NFATC2: variants seen among roughly 807,000 people sequenced by gnomAD.
NFATC2 encodes the protein nuclear factor of activated T-cells, cytoplasmic 2.
A neutral mutation model predicts 87.3 loss-of-function variants in NFATC2; 22 were observed. That is an observed-to-expected ratio of 0.25 (90% CI 0.18 to 0.36). The LOEUF (loss-of-function observed/expected upper bound fraction) is 0.36, where lower values mean the gene tolerates loss of function less well. Ranked by LOEUF, NFATC2 falls within the 10% of genes least tolerant of loss-of-function variation. The pLI is 1.00. For missense variants in NFATC2, 1,149 were observed against 1,259.1 expected (o/e 0.91, Z 1.32); for synonymous variants, 565 against 542.2 (o/e 1.04, Z -0.58).
chr20:51,545,127 TG>T (rs1407608496), upstream of NFATC2, among the ~76,000 whole-genome samples: 1 of 152,126 alleles, frequency 6.6e-6, no homozygotes, highest in East Asian at 1.9e-4. Context: ...GTCCAGATGA[TG>T]AAATTTTGGC....
At chr20:51,528,254 A>T (rs944580837) in intron 1 of NFATC2, among the ~76,000 whole-genome samples, 1 of 152,186 alleles carries the variant, frequency 6.6e-6, no homozygotes, top group Admixed American at 6.5e-5. Flanking sequence ...CATTCATATG[A>T]TGGGATACAG....
intron 1 of NFATC2, among the ~76,000 whole-genome samples, chr20:51,525,917 C>T (rs1302603128): frequency 7.0e-6 from 1 of 143,562 alleles, no homozygotes; most frequent in Admixed American, 6.9e-5. Flanking sequence ...CCCCGGCCTG[C>T]CACCCACCCC....
At chr20:51,414,838 A>G (rs1365517312) in intron 9 of NFATC2, among the ~76,000 whole-genome samples, 2 of 152,160 alleles carry the variant, frequency 1.3e-5, no homozygotes, top group Non-Finnish European at 2.9e-5. Context: ...ATGCATACAC[A>G]CAGCCGGAAA....
At chr20:51,561,483 GAAAGCAAGCA>G (rs1568765917) in intron 1 of NFATC2, among the ~76,000 whole-genome samples, 1 of 107,466 alleles carries the variant, frequency 9.3e-6, no homozygotes, top group Non-Finnish European at 2.0e-5. Flanking sequence ...AAGAAAGAAA[GAAAGCAAGCA>G]AGCAAGCAAG....
chr20:51,482,868 T>C (rs767081093), intron 3 of NFATC2, among the ~76,000 whole-genome samples: 1 of 152,246 alleles, frequency 6.6e-6, no homozygotes, highest in Non-Finnish European at 1.5e-5. Flanking sequence ...AAGATGGTCA[T>C]GTCCTCTTGT....
At chr20:51,464,961 AG>A (rs1987529498) in intron 5 of NFATC2, among the ~76,000 whole-genome samples, 1 of 152,228 alleles carries the variant, frequency 6.6e-6, no homozygotes, top group Non-Finnish European at 1.5e-5. Context: ...GACACACAGC[AG>A]ATGATTAATA....
At chr20:51,459,676 G>C (rs771481563) in intron 5 of NFATC2, among the ~76,000 whole-genome samples, 2 of 152,104 alleles carry the variant, frequency 1.3e-5, no homozygotes, top group Admixed American at 6.5e-5. Flanking sequence ...TCAGAAGTTC[G>C]AGACCAGCCT....
At chr20:51,395,903 A>G (rs1006390322) in intron 10 of NFATC2, among the ~76,000 whole-genome samples, 2 of 151,784 alleles carry the variant, frequency 1.3e-5, no homozygotes, top group African/African-American at 2.4e-5. Context: ...CTCACTAAGC[A>G]CTGCCAGTGT....
intron 9 of NFATC2, chr20:51,398,966 G>T: frequency 4.3e-6 from 2 of 463,708 alleles, no homozygotes; most frequent in Non-Finnish European, 7.8e-6. Context: ...ATTATGTGGG[G>T]TGTGGGATCA....
Position 51,420,686 on chromosome 20 carries a change from C to T in NFATC2, c.2722+11381G>A, listed in dbSNP as rs189587243. On this transcript the variant is annotated intron_variant, in intron 9 of 10. Transcript: ENST00000371564. ...TGCTTGCAACGCTTGGTCTGACTCC[C>T]GACGCAAATGAACTATAATAAAAAC... 6.1e-4 allele frequency among the ~76,000 whole-genome samples: 93 copies of T among 152,056 alleles called. 1 individual carries two copies. The highest frequency in any genetic ancestry group is 2.1e-3 in the African/African-American group (86 of 41,472).
intron 1 of NFATC2, among the ~76,000 whole-genome samples, chr20:51,530,898 C>T (rs529687138): frequency 1.2e-4 from 18 of 152,268 alleles, no homozygotes; most frequent in Admixed American, 8.5e-4. Flanking sequence ...TGGATTCACT[C>T]GTCTGTCTAC....
At chr20:51,437,287 A>T (rs966317611) in intron 6 of NFATC2, among the ~76,000 whole-genome samples, 2 of 152,326 alleles carry the variant, frequency 1.3e-5, no homozygotes, top group East Asian at 3.9e-4. Flanking sequence ...GAAGGGGGAA[A>T]AATCTACATG....
chr20:51,555,558 C>T (rs1014232534), intron 1 of NFATC2, among the ~76,000 whole-genome samples: 1 of 151,722 alleles, frequency 6.6e-6, no homozygotes, highest in Non-Finnish European at 1.5e-5. Context: ...GCCGCCATTG[C>T]ACTCCAGCCT....
At chr20:51,492,198 T>C (rs1045521492) in intron 3 of NFATC2, among the ~76,000 whole-genome samples, 2 of 151,910 alleles carry the variant, frequency 1.3e-5, no homozygotes, top group African/African-American at 4.8e-5. Flanking sequence ...CACATCTTCC[T>C]GTCTAGACGA....
In NFATC2 at chr20:51,388,657, C is replaced by T. The variant is rs1421891848; in HGVS notation, c.*2839G>A. On this transcript the variant is annotated 3_prime_UTR_variant, in exon 11 of 11. Transcript: ENST00000371564. ...TAAGAAAATAAAATTTAATAACATA[C>T]TAATCTGGATTGCTATACATATTAT... 6.6e-6 allele frequency: 1 copy of T among 152,142 alleles called. No homozygotes were observed. Among genetic ancestry groups the T allele is most frequent in the East Asian group, 1.9e-4 (1 of 5,196 alleles). The allele number at this position is 152,142 out of a possible 1,614,324, so 9.4% of individuals were successfully genotyped here. A position where few individuals can be genotyped will look rare whatever the true frequency, so the allele number is the denominator to read the frequency against.
At chr20:51,426,136 T>C (rs1276906176) in intron 9 of NFATC2, among the ~76,000 whole-genome samples, 4 of 151,988 alleles carry the variant, frequency 2.6e-5, no homozygotes, top group Non-Finnish European at 5.9e-5. Context: ...CCTACACAAA[T>C]AGATTTTTAA....
At chr20:51,394,913 C>G (rs1302954582) in intron 10 of NFATC2, among the ~76,000 whole-genome samples, 2 of 152,208 alleles carry the variant, frequency 1.3e-5, no homozygotes, top group Non-Finnish European at 2.9e-5. Flanking sequence ...CCCTCACTCG[C>G]TCCAAAAGCA....
At chr20:51,517,051 A>C (rs926907540) in intron 2 of NFATC2, 96 bp from the exon 3 acceptor site, 1 of 1,222,844 alleles carries the variant, frequency 8.2e-7, no homozygotes, top group Non-Finnish European at 1.1e-6. Flanking sequence ...AATCATGGAT[A>C]CAGTCATGTA....
intron 10 of NFATC2, among the ~76,000 whole-genome samples, chr20:51,398,289 C>T (rs567807711): frequency 3.1e-4 from 47 of 152,176 alleles, no homozygotes; most frequent in Middle Eastern, 3.4e-3. Context: ...ACACCCACCA[C>T]GGATGGAGAG....
Sources: gnomAD v4.1 joint callset for allele counts (sites outside exome capture counted in the v4.1 genomes callset) on GRCh38, gnomAD v4.1.1 for gene constraint, MANE v1.5 for transcripts, NCBI Gene and HGNC (gene_info 2026-07-23, HGNC 2026-07-21) for gene names.